The following PFKFB4 variants were observed in gnomAD, a reference collection of about 807,000 sequenced individuals.
PFKFB4 encodes the protein 6-phosphofructo-2-kinase/fructose-2,6-bisphosphatase 4.
In PFKFB4, 42 loss-of-function variants were observed where a neutral mutation model predicts 62.8. The ratio of observed to expected loss-of-function variants is 0.67; its 90% CI spans 0.52 to 0.86. The LOEUF (loss-of-function observed/expected upper bound fraction) is 0.86, where lower values mean the gene tolerates loss of function less well. Ranked by LOEUF, PFKFB4 falls within the 40% of genes least tolerant of loss-of-function variation. The pLI is 0.00. For synonymous variants in PFKFB4, 204 were observed against 240.7 expected, an observed-to-expected ratio of 0.85 and a Z score of 1.41; for missense variants, 475 against 627.2, an observed-to-expected ratio of 0.76 and a Z score of 2.59.
intron 5 of PFKFB4, 162 bp from the exon 6 acceptor site, chr3:48,539,472 A>G: frequency 1.4e-6 from 1 of 729,912 alleles, no homozygotes; most frequent in Non-Finnish European, 2.4e-6. Context: ...GGGGTCAAGG[A>G]GTCCAGAGCT....
upstream of PFKFB4, chr3:48,561,174 G>A (rs1236376089): frequency 4.1e-5 from 40 of 983,368 alleles, no homozygotes; most frequent in African/African-American, 1.2e-4. The surrounding 1 kb of genome is among the most constrained non-coding windows in gnomAD (Gnocchi z 5.2). Flanking sequence ...GGGTAACCCC[G>A]CCTAGCACTC....
chr3:48,562,724 T>C, upstream of PFKFB4: 1 of 1,437,054 alleles, frequency 7.0e-7, no homozygotes. This position sits in a 1 kb window ranked among gnomAD's most constrained non-coding sequence, Gnocchi z 4.3. Flanking sequence ...TCCAGCTGTG[T>C]GGCTGCCCTC....
chr3:48,549,975 A>T lies in PFKFB4; in HGVS notation c.215-15T>A. ...AACATTGAACTCTGGAGGGAAGGAGAGGCTCAGCTTTCACAGCAACAGCAA... is the reference window on the plus strand; with the variant it reads ...AACATTGAACTCTGGAGGGAAGGAGTGGCTCAGCTTTCACAGCAACAGCAA... On this transcript the variant is annotated splice_polypyrimidine_tract_variant and intron_variant, in intron 2 of 13. Coordinates refer to ENST00000232375, the MANE Select transcript of PFKFB4 (RefSeq NM_004567.4). 6.3e-7 allele frequency: 1 copy of T among 1,595,848 alleles called. No homozygotes were observed. Among genetic ancestry groups the T allele is most frequent in the Non-Finnish European group, 8.6e-7 (1 of 1,163,410 alleles).
chr3:48,529,498 G>C (rs549026874), intron 9 of PFKFB4, among the ~76,000 whole-genome samples: 6 of 152,114 alleles, frequency 3.9e-5, no homozygotes, highest in Non-Finnish European at 5.9e-5. Context: ...GTGGCTGCAG[G>C]CTTCTCTGCA....
upstream of PFKFB4, among the ~76,000 whole-genome samples, chr3:48,558,333 C>G (rs1186037281): frequency 2.0e-5 from 3 of 152,216 alleles, no homozygotes; most frequent in Admixed American, 6.5e-5. Context: ...CTGAGCCACA[C>G]TGCCCTCTAG....
At chr3:48,522,187 T>A (rs1431530661) in intron 12 of PFKFB4, 137 bp from the exon 13 acceptor site, 2 of 769,880 alleles carry the variant, frequency 2.6e-6, no homozygotes, top group Non-Finnish European at 4.5e-6. Flanking sequence ...TTCTTCCACT[T>A]TAGGCAGCTC....
chr3:48,543,527 G>A, intron 4 of PFKFB4, 53 bp downstream of exon 4: 19 of 1,496,348 alleles, frequency 1.3e-5, no homozygotes, highest in Non-Finnish European at 1.7e-5. Context: ...AGGCACAGAT[G>A]TGGATGGGCT....
At chr3:48,528,009 G>A (rs1207154516) in intron 9 of PFKFB4, among the ~76,000 whole-genome samples, 1 of 151,936 alleles carries the variant, frequency 6.6e-6, no homozygotes, top group Non-Finnish European at 1.5e-5. Context: ...ATCGTAAAGA[G>A]CACATATATC....
chr3:48,529,237 T>C (rs2042358337), intron 9 of PFKFB4, among the ~76,000 whole-genome samples: 1 of 152,028 alleles, frequency 6.6e-6, no homozygotes, highest in Non-Finnish European at 1.5e-5. Flanking sequence ...AATTCTATGG[T>C]ATATGAATTA....
intron 6 of PFKFB4, among the ~76,000 whole-genome samples, chr3:48,539,048 G>T (rs1000174218): frequency 6.6e-6 from 1 of 152,130 alleles, no homozygotes; most frequent in South Asian, 2.1e-4. Context: ...GTGGTTACGA[G>T]GCGGAGGTGG....
intron 10 of PFKFB4, among the ~76,000 whole-genome samples, chr3:48,524,635 T>C (rs1263487175): frequency 6.6e-6 from 1 of 152,220 alleles, no homozygotes; most frequent in Non-Finnish European, 1.5e-5. Context: ...TGGTTCTAAA[T>C]CTGAACTTGG....
intron 9 of PFKFB4, among the ~76,000 whole-genome samples, chr3:48,530,772 T>A (rs1428481455): frequency 6.6e-6 from 1 of 152,134 alleles, no homozygotes; most frequent in African/African-American, 2.4e-5. Flanking sequence ...TAGTGACATA[T>A]CTTGGCTCAC....
chr3:48,563,122 C>T (rs2043464175), upstream of PFKFB4: 2 of 1,608,038 alleles, frequency 1.2e-6, no homozygotes, highest in South Asian at 1.1e-5. The surrounding 1 kb of genome is among the most constrained non-coding windows in gnomAD (Gnocchi z 4.5). Flanking sequence ...CACACCTGGT[C>T]ATCGTGAGGT....
intron 3 of PFKFB4, among the ~76,000 whole-genome samples, chr3:48,547,113 C>A (rs1477509571): frequency 6.6e-6 from 1 of 152,082 alleles, no homozygotes; most frequent in African/African-American, 2.4e-5. Flanking sequence ...TCTTGGGGAC[C>A]CCCTACACAC....
In PFKFB4 at chr3:48,525,688, C is replaced by A; in HGVS notation, c.988-19G>T. On this transcript the variant is annotated intron_variant, in intron 9 of 13. Transcript: ENST00000232375. ...AGACGCCCTAGGGAGATACCACAGT[C>A]ATCACACCTCCTACAGGCCCAGAAG... is the stretch of plus-strand genomic sequence containing the variant. 1.4e-6 allele frequency: 2 copies of A among 1,410,048 alleles called. No homozygotes were observed. The highest frequency in any genetic ancestry group is 1.2e-5 in the South Asian group (1 of 83,284). 87.3% of individuals were successfully genotyped at this position (1,410,048 alleles called of 1,614,324 possible). A position where few individuals can be genotyped will look rare whatever the true frequency, so the allele number is the denominator to read the frequency against.
In PFKFB4 at chr3:48,535,561, G is replaced by A. The variant is rs1560162264; in HGVS notation, c.938C>T (p.Ala313Val). The change falls in exon 9 of 14, where the codon GCA becomes GTA. Residue 313 changes from alanine (A) to valine (V), a missense_variant. By Grantham distance (64) the Ala-to-Val change is moderately conservative. Coordinates refer to ENST00000232375, the MANE Select transcript of PFKFB4 (RefSeq NM_004567.4). ...QMKRTIQTAE[A>V]LGVPYEQWKV... Reference sequence around the variant, plus strand: ...CCACTGTTCATAGGGCACACCCAGTGCCTCAGCCGTCTGGATTGTCCTCTT... The same window carrying A: ...CCACTGTTCATAGGGCACACCCAGTACCTCAGCCGTCTGGATTGTCCTCTT... The A allele has an allele frequency of 1.2e-6, 2 of 1,614,134 alleles. No individual in the cohort carries two copies. The highest frequency in any genetic ancestry group is 2.2e-5 in the East Asian group (1 of 44,886).
At chr3:48,559,898 C>CACACACACACACACACA (rs2043405687), upstream of PFKFB4, 2 of 191,644 alleles carry the variant, frequency 1.0e-5, no homozygotes, top group African/African-American at 5.6e-5. Context: ...AACCATCCCA[C>CACACACACACACACACA]CACACACACA....
chr3:48,562,482 GT>G, upstream of PFKFB4: 1 of 435,952 alleles, frequency 2.3e-6, no homozygotes, highest in Non-Finnish European at 4.1e-6. This position sits in a 1 kb window ranked among gnomAD's most constrained non-coding sequence, Gnocchi z 4.3. Context: ...CATCCAAGCT[GT>G]CCGGACATAT....
At chr3:48,531,126 G>T (rs906363339) in intron 9 of PFKFB4, among the ~76,000 whole-genome samples, 7 of 152,136 alleles carry the variant, frequency 4.6e-5, no homozygotes, top group Admixed American at 4.6e-4. Flanking sequence ...CAGCACTTTG[G>T]GAGGCCAAGG....
Sources: allele counts gnomAD v4.1 joint callset (sites outside exome capture counted in the v4.1 genomes callset), GRCh38; gene constraint gnomAD v4.1.1; non-coding constraint Gnocchi (gnomAD v3.1); transcripts MANE v1.5; gene names NCBI Gene and HGNC (gene_info 2026-07-23, HGNC 2026-07-21).